The following SCN8A variants were observed in gnomAD, a reference collection of about 807,000 sequenced individuals.
The protein encoded by SCN8A is sodium voltage-gated channel alpha subunit 8.
In SCN8A, 30 loss-of-function variants were observed where a neutral mutation model predicts 184.1. The ratio of observed to expected loss-of-function variants is 0.16; its 90% CI spans 0.12 to 0.22. The LOEUF (loss-of-function observed/expected upper bound fraction) is 0.22. Among genes scored for constraint, SCN8A ranks in the 10% least tolerant of loss-of-function variants. The pLI is 1.00. For synonymous variants in SCN8A, 852 were observed against 907.0 expected (o/e 0.94, Z 1.09); for missense variants, 1,057 against 2,498.9 (o/e 0.42, Z 12.30).
At chr12:51,680,718 C>A (rs1239852279) in intron 2 of SCN8A, among the ~76,000 whole-genome samples, 1 of 152,122 alleles carries the variant, frequency 6.6e-6, no homozygotes, top group Non-Finnish European at 1.5e-5. Flanking sequence ...TTTAAAAAAT[C>A]CTGCCAGGCG....
chr12:51,792,860 A>C (rs1222515417), intron 25 of SCN8A, among the ~76,000 whole-genome samples: 1 of 152,150 alleles, frequency 6.6e-6, no homozygotes, highest in Non-Finnish European at 1.5e-5. Context: ...CTCGTGCCTC[A>C]GCCTCCCGAG....
chr12:51,708,635 G>C (rs1403842813), intron 11 of SCN8A, among the ~76,000 whole-genome samples: 1 of 152,020 alleles, frequency 6.6e-6, no homozygotes, highest in Non-Finnish European at 1.5e-5. Flanking sequence ...TTCATTTCAG[G>C]GGATGAGCAA....
At chr12:51,617,335 T>G (rs1939862780) in intron 1 of SCN8A, among the ~76,000 whole-genome samples, 2 of 152,272 alleles carry the variant, frequency 1.3e-5, no homozygotes, top group Non-Finnish European at 1.5e-5. Context: ...GCTTGGATAA[T>G]TTGTGTATTT....
chr12:51,739,376 G>A (rs1178322421), intron 12 of SCN8A, among the ~76,000 whole-genome samples: 4 of 151,954 alleles, frequency 2.6e-5, no homozygotes, highest in South Asian at 4.2e-4. Context: ...ACTACTTTTT[G>A]CCCAATGTCC....
At chr12:51,598,680 GTCT>G (rs1279895873) in intron 1 of SCN8A, among the ~76,000 whole-genome samples, 1 of 152,104 alleles carries the variant, frequency 6.6e-6, no homozygotes, top group Non-Finnish European at 1.5e-5. Context: ...TCGAAGTTAA[GTCT>G]TCTTTTACTG....
At chr12:51,682,648 T>G (rs1394096893) in intron 2 of SCN8A, among the ~76,000 whole-genome samples, 1 of 152,224 alleles carries the variant, frequency 6.6e-6, no homozygotes, top group East Asian at 1.9e-4. Context: ...TTTAAAAAAA[T>G]TATGATCATG....
At chr12:51,592,057 C>G (rs1437602664) in intron 1 of SCN8A, among the ~76,000 whole-genome samples, 1 of 125,074 alleles carries the variant, frequency 8.0e-6, no homozygotes, top group East Asian at 2.9e-4. Flanking sequence ...CCACCCCCAC[C>G]CCCACCCCCC....
At chr12:51,704,058 A>G in intron 9 of SCN8A, among the ~76,000 whole-genome samples, 1 of 151,752 alleles carries the variant, frequency 6.6e-6, no homozygotes, top group Non-Finnish European at 1.5e-5. Context: ...CACCTGGCTA[A>G]TTTTTGTATT....
intron 6 of SCN8A, among the ~76,000 whole-genome samples, chr12:51,694,083 C>T (rs1477401518): frequency 6.6e-6 from 1 of 152,184 alleles, no homozygotes; most frequent in Non-Finnish European, 1.5e-5. Flanking sequence ...CAAGCATGCG[C>T]CACAACGCCC....
intron 1 of SCN8A, among the ~76,000 whole-genome samples, chr12:51,647,312 C>G (rs1940611939): frequency 6.6e-6 from 1 of 152,194 alleles, no homozygotes; most frequent in African/African-American, 2.4e-5. Context: ...TGAACAGATC[C>G]TTCAAAGGGT....
At chr12:51,770,960 C>T (rs1404705997) in intron 19 of SCN8A, among the ~76,000 whole-genome samples, 1 of 152,214 alleles carries the variant, frequency 6.6e-6, no homozygotes. Context: ...GAACTTCCCT[C>T]TCTTACCTAA....
intron 11 of SCN8A, among the ~76,000 whole-genome samples, chr12:51,716,111 A>G (rs1358465551): frequency 2.0e-5 from 3 of 152,192 alleles, no homozygotes; most frequent in South Asian, 2.1e-4. Flanking sequence ...AGGCGGGAGG[A>G]TTGCTTTAGC....
intron 1 of SCN8A, among the ~76,000 whole-genome samples, chr12:51,632,222 G>A (rs1204591997): frequency 6.6e-6 from 1 of 152,096 alleles, no homozygotes; most frequent in Non-Finnish European, 1.5e-5. Context: ...AACCTTTAAT[G>A]CTTCTTTCCT....
At chr12:51,766,552 T>TG (rs1484147814) in intron 16 of SCN8A, among the ~76,000 whole-genome samples, 5 of 152,194 alleles carry the variant, frequency 3.3e-5, no homozygotes. Context: ...CAGATGTCCC[T>TG]GGGGGGCAAA....
intron 11 of SCN8A, among the ~76,000 whole-genome samples, chr12:51,715,349 A>G (rs1489521401): frequency 6.6e-6 from 1 of 152,186 alleles, no homozygotes; most frequent in African/African-American, 2.4e-5. Context: ...CTGATGTATT[A>G]GATCTCATGT....
In SCN8A at chr12:51,812,153, C is replaced by T. The variant is rs573486612; in HGVS notation, c.*4724C>T. The T allele has an allele frequency of 1.3e-5, 2 of 149,568 alleles. No individual in the cohort carries two copies. The highest frequency in any genetic ancestry group is 3.0e-5 in the Non-Finnish European group (2 of 67,752). The allele number at this position is 149,568 out of a possible 1,614,324, so 9.3% of individuals were successfully genotyped here. ...TGAGGCACCCCCTGCCCCTGCCCCC[C>T]ACTGCTGTTTGCTGTACATAGAGGC... On this transcript the variant is annotated 3_prime_UTR_variant, in exon 27 of 27. Transcript: ENST00000627620.
At chr12:51,645,489 C>T (rs1360713168) in intron 1 of SCN8A, among the ~76,000 whole-genome samples, 1 of 151,920 alleles carries the variant, frequency 6.6e-6, no homozygotes, top group Admixed American at 6.5e-5. Context: ...GCCATGATGA[C>T]AATGGCGGTT....
chr12:51,736,013 A>G (rs1942320211), intron 12 of SCN8A, among the ~76,000 whole-genome samples: 1 of 152,186 alleles, frequency 6.6e-6, no homozygotes, highest in South Asian at 2.1e-4. Flanking sequence ...GCAGGCTCAA[A>G]AAATTTAAAG....
At chr12:51,683,279 T>C (rs1941366065) in intron 2 of SCN8A, among the ~76,000 whole-genome samples, 1 of 152,200 alleles carries the variant, frequency 6.6e-6, no homozygotes. Flanking sequence ...TTTAATTCAA[T>C]TGAATTCAGA....
Sources: gnomAD v4.1 joint callset for allele counts (sites outside exome capture counted in the v4.1 genomes callset) on GRCh38, gnomAD v4.1.1 for gene constraint, MANE v1.5 for transcripts, NCBI Gene and HGNC (gene_info 2026-07-23, HGNC 2026-07-21) for gene names.